SMCHD1: variants seen among roughly 807,000 people sequenced by gnomAD.
SMCHD1 encodes structural maintenance of chromosomes flexible hinge domain-containing protein 1.
In SMCHD1, 78 loss-of-function variants were observed where a neutral mutation model predicts 254.7. The observed-to-expected ratio is 0.31, with a 90% CI of 0.26 to 0.37. The LOEUF is 0.37. Among genes scored for constraint, SMCHD1 ranks in the 10% least tolerant of loss-of-function variants. The probability of loss-of-function intolerance (pLI) is 1.00; values close to 1 mark genes in which losing one functional copy is unlikely to be tolerated. For synonymous variants in SMCHD1, 766 were observed against 794.9 expected (o/e 0.96, Z 0.61); for missense variants, 1,840 against 2,408.1 (o/e 0.76, Z 4.94).
intron 4 of SMCHD1, 35 bp from the exon 5 acceptor site, chr18:2,673,980 T>C (rs2073680643): frequency 1.3e-6 from 2 of 1,542,214 alleles, no homozygotes; most frequent in Admixed American, 4.5e-5. Context: ...TTGATTTGAC[T>C]TTTCCTGTCT....
intron 3 of SMCHD1, 167 bp from the exon 4 acceptor site, chr18:2,673,114 G>T (rs192551353): frequency 1.0e-6 from 1 of 985,266 alleles, no homozygotes; most frequent in East Asian, 1.1e-4. Context: ...GATGCTGGTG[G>T]TGATTGGTGA....
At chr18:2,678,376 C>G (rs1396524225) in intron 5 of SMCHD1, among the ~76,000 whole-genome samples, 1 of 148,494 alleles carries the variant, frequency 6.7e-6, no homozygotes, top group Non-Finnish European at 1.5e-5. Flanking sequence ...TCTTGGCTTA[C>G]TGCAGCCTCC....
chr18:2,711,545 G>C (rs1361060843), intron 17 of SMCHD1, among the ~76,000 whole-genome samples: 5 of 146,456 alleles, frequency 3.4e-5, no homozygotes, highest in Admixed American at 6.8e-5. Context: ...TGCAGTGGCG[G>C]GATCTCGGCT....
chr18:2,746,962 A>G (rs1252092613), intron 29 of SMCHD1, among the ~76,000 whole-genome samples: 2 of 125,564 alleles, frequency 1.6e-5, no homozygotes, highest in Non-Finnish European at 3.6e-5. Flanking sequence ...AGTGTAGATC[A>G]TCAGTGAATA....
At chr18:2,752,687 TCA>T (rs767986536) in intron 34 of SMCHD1, 135 bp downstream of exon 34, 1 of 621,196 alleles carries the variant, frequency 1.6e-6, no homozygotes, top group African/African-American at 1.9e-5. Flanking sequence ...TAAATTTTTC[TCA>T]GTTTTTTGGG....
Position 2,724,931 on chromosome 18 carries a change from A to G in SMCHD1, c.2636A>G (p.Lys879Arg). ...TCTTTACATTATGAAGAAATAACCA[A>G]AGGACCAAATTGTGTAATTCGAGGT... ...GLSLHYEEIT[K>R]GPNCVIRGVT... Residue 879 changes from lysine to arginine, a missense_variant, in exon 21 of 48, where the codon AAA (lysine) becomes AGA (arginine). By Grantham distance (26) the Lys-to-Arg change is conservative. Transcript: ENST00000320876. 2 of 1,592,334 alleles carry G rather than the reference A, an allele frequency of 1.3e-6. No individual in the cohort carries two copies. Among genetic ancestry groups the G allele is most frequent in the Non-Finnish European group, 1.7e-6 (2 of 1,166,754 alleles).
intron 13 of SMCHD1, among the ~76,000 whole-genome samples, chr18:2,705,084 AG>A (rs1335474873): frequency 2.8e-5 from 4 of 145,284 alleles, no homozygotes; most frequent in African/African-American, 9.8e-5. Context: ...AGATGTGCGT[AG>A]GTTAAGTGCA....
intron 12 of SMCHD1, chr18:2,702,308 A>AAAAAAAAAAAAAAAAAAG (rs57964967): frequency 2.5e-5 from 3 of 119,784 alleles, no homozygotes; most frequent in African/African-American, 5.6e-5. Context: ...AAAAAAAAAA[A>AAAAAAAAAAAAAAAAAAG]GAAGGAAATG....
At chr18:2,705,970 C>A (rs1380859938) in intron 14 of SMCHD1, among the ~76,000 whole-genome samples, 163 bp downstream of exon 14, 1 of 152,106 alleles carries the variant, frequency 6.6e-6, no homozygotes, top group African/African-American at 2.4e-5. Flanking sequence ...TTTTAATAAT[C>A]TATACAATTT....
chr18:2,719,749 C>T (rs572096834), intron 19 of SMCHD1, among the ~76,000 whole-genome samples: 216 of 148,152 alleles, frequency 1.5e-3, no homozygotes, highest in African/African-American at 4.9e-3. Context: ...GATCTCGGCT[C>T]ACTGCAACCT....
At chr18:2,757,115 A>G (rs1182535238) in intron 34 of SMCHD1, among the ~76,000 whole-genome samples, 1 of 152,206 alleles carries the variant, frequency 6.6e-6, no homozygotes, top group Non-Finnish European at 1.5e-5. Context: ...ATATGTGTAT[A>G]TGTATGTAGA....
intron 10 of SMCHD1, among the ~76,000 whole-genome samples, chr18:2,699,435 G>T (rs1221844086): frequency 6.6e-6 from 1 of 152,162 alleles, no homozygotes; most frequent in Non-Finnish European, 1.5e-5. Flanking sequence ...TGCCTCCCAG[G>T]TTCAAGCAAT....
chr18:2,738,346 G>GA, intron 25 of SMCHD1, 51 bp from the exon 26 acceptor site: 1 of 1,333,326 alleles, frequency 7.5e-7, no homozygotes, highest in South Asian at 1.8e-5. Context: ...GTGGCAGTAA[G>GA]AGAACATTAG....
Position 2,718,546 on chromosome 18 carries a change from GATTTT to G in SMCHD1, c.2458+123_2458+127del. The stretch of plus-strand genomic sequence containing the variant: ...GTTTGAACAATTGGGTAACCATCTC[GATTTT>G]ATTTTATTTTCTTACTTACTTTGAG... On this transcript the variant is annotated intron_variant, in intron 19 of 47. Coordinates refer to ENST00000320876, the MANE Select transcript of SMCHD1 (RefSeq NM_015295.3). This position sits in a 1 kb window ranked among gnomAD's most constrained non-coding sequence, Gnocchi z 4.6. The G allele has an allele frequency of 3.3e-6, 3 of 906,042 alleles. No homozygotes were observed. Among genetic ancestry groups the G allele is most frequent in the African/African-American group, 1.7e-5 (1 of 58,268 alleles). 56.1% of individuals were successfully genotyped at this position (906,042 alleles called of 1,614,324 possible).
chr18:2,733,131 T>G (rs1046483212), intron 25 of SMCHD1, among the ~76,000 whole-genome samples: 1 of 152,232 alleles, frequency 6.6e-6, no homozygotes, highest in African/African-American at 2.4e-5. Context: ...CTTTGATGGT[T>G]GACTGAAAGA....
At chr18:2,725,132 C>A (rs1186651446) in intron 21 of SMCHD1, 137 bp downstream of exon 21, 1 of 466,722 alleles carries the variant, frequency 2.1e-6, no homozygotes. Context: ...AGGAATTTAT[C>A]AGCATTATGC....
intron 22 of SMCHD1, 75 bp from the exon 23 acceptor site, chr18:2,728,382 G>A (rs1284254506): frequency 4.3e-6 from 6 of 1,386,668 alleles, no homozygotes; most frequent in Non-Finnish European, 5.9e-6. Context: ...TAATGTTAAA[G>A]TTATTTCTTT....
intron 12 of SMCHD1, chr18:2,701,262 G>C (rs2074395375): frequency 6.2e-6 from 1 of 161,026 alleles, no homozygotes; most frequent in Non-Finnish European, 1.3e-5. Flanking sequence ...CCAGGTTCAA[G>C]CTATTCTCCC....
intron 5 of SMCHD1, among the ~76,000 whole-genome samples, chr18:2,685,316 G>A (rs2074026494): frequency 6.6e-6 from 1 of 151,784 alleles, no homozygotes; most frequent in Admixed American, 6.6e-5. Flanking sequence ...AGCCAGGATG[G>A]TCTTGATCTC....
Sources: allele counts gnomAD v4.1 joint callset (sites outside exome capture counted in the v4.1 genomes callset), GRCh38; gene constraint gnomAD v4.1.1; non-coding constraint Gnocchi (gnomAD v3.1); transcripts MANE v1.5; gene names NCBI Gene and HGNC (gene_info 2026-07-23, HGNC 2026-07-21).